The following ST8SIA6 variants were observed in gnomAD, a reference collection of about 807,000 sequenced individuals.
ST8SIA6 encodes the protein alpha-2,8-sialyltransferase 8F.
In ST8SIA6, 39 loss-of-function variants were observed where a neutral mutation model predicts 33.6. The observed-to-expected ratio is 1.16, with a 90% CI of 0.90 to 1.52. The LOEUF (loss-of-function observed/expected upper bound fraction) is 1.52. ST8SIA6 is among the 40% of genes most tolerant of loss of function. The probability of loss-of-function intolerance (pLI) is 0.00; values close to 1 mark genes in which losing one functional copy is unlikely to be tolerated. For synonymous variants in ST8SIA6, 172 were observed against 167.2 expected (o/e 1.03, Z -0.22); for missense variants, 441 against 443.8 (o/e 0.99, Z 0.06).
intron 3 of ST8SIA6, among the ~76,000 whole-genome samples, chr10:17,366,116 G>C (rs1849551074): frequency 6.6e-6 from 1 of 152,192 alleles, no homozygotes; most frequent in African/African-American, 2.4e-5. Flanking sequence ...ACTAGGAGAA[G>C]TGTGTGGCTG....
chr10:17,410,412 A>G (rs1004252708), intron 2 of ST8SIA6: 4 of 152,262 alleles, frequency 2.6e-5, no homozygotes. Flanking sequence ...TTCAGTTAAC[A>G]GGAAGCACAC....
intron 2 of ST8SIA6, among the ~76,000 whole-genome samples, chr10:17,429,386 T>G (rs750827265): frequency 1.3e-5 from 2 of 151,564 alleles, no homozygotes; most frequent in Non-Finnish European, 2.9e-5. Context: ...AATTCAGCTT[T>G]TCTTTTACTT....
intron 2 of ST8SIA6, among the ~76,000 whole-genome samples, chr10:17,450,314 G>A (rs935304569): frequency 6.6e-5 from 10 of 152,148 alleles, no homozygotes; most frequent in Admixed American, 2.0e-4. Flanking sequence ...CAGAGTGCCT[G>A]GACACCGGAT....
At chr10:17,339,347 C>T (rs1043854647) in intron 4 of ST8SIA6, among the ~76,000 whole-genome samples, 3 of 152,132 alleles carry the variant, frequency 2.0e-5, no homozygotes, top group African/African-American at 7.2e-5. Flanking sequence ...AAACTCTGAG[C>T]CTCCCTAATG....
intron 3 of ST8SIA6, among the ~76,000 whole-genome samples, chr10:17,386,435 A>G (rs1458363322): frequency 6.6e-6 from 1 of 152,140 alleles, no homozygotes. Flanking sequence ...GCTACTGGGG[A>G]GACTGAGGCA....
intron 3 of ST8SIA6, among the ~76,000 whole-genome samples, chr10:17,372,412 C>T (rs560149416): frequency 6.2e-4 from 94 of 152,276 alleles, no homozygotes; most frequent in Non-Finnish European, 9.4e-4. Flanking sequence ...AGTGGTGCCT[C>T]GGAGTAGTGG....
chr10:17,418,863 G>C (rs1851683113), intron 2 of ST8SIA6, among the ~76,000 whole-genome samples: 1 of 151,912 alleles, frequency 6.6e-6, no homozygotes, highest in African/African-American at 2.4e-5. Context: ...CGTGGTGGCA[G>C]GTGCTTGTAA....
chr10:17,360,351 GAT>G (rs1162690817), intron 3 of ST8SIA6, among the ~76,000 whole-genome samples: 1 of 152,030 alleles, frequency 6.6e-6, no homozygotes, highest in Non-Finnish European at 1.5e-5. Flanking sequence ...ACAACAATGA[GAT>G]AGAATATATG....
At chr10:17,394,091 G>C (rs1850717264) in intron 2 of ST8SIA6, among the ~76,000 whole-genome samples, 1 of 152,182 alleles carries the variant, frequency 6.6e-6, no homozygotes, top group Non-Finnish European at 1.5e-5. Flanking sequence ...ACTGTGACCA[G>C]TAGGCACCAA....
intron 3 of ST8SIA6, among the ~76,000 whole-genome samples, chr10:17,362,694 C>T (rs1275231263): frequency 6.6e-6 from 1 of 152,086 alleles, no homozygotes; most frequent in Non-Finnish European, 1.5e-5. Context: ...GATTTGTTTT[C>T]ATTAACCTAG....
chr10:17,385,300 G>C (rs1033765475), intron 3 of ST8SIA6, among the ~76,000 whole-genome samples: 23 of 152,096 alleles, frequency 1.5e-4, no homozygotes, highest in African/African-American at 5.3e-4. Context: ...CCCACACTTC[G>C]AGTCTTCCTG....
At chr10:17,351,169 C>G (rs1849018120) in intron 4 of ST8SIA6, among the ~76,000 whole-genome samples, 1 of 151,928 alleles carries the variant, frequency 6.6e-6, no homozygotes, top group Non-Finnish European at 1.5e-5. Context: ...CACTTCACAC[C>G]TGGCCTAGTG....
chr10:17,399,454 A>G (rs946664743), intron 2 of ST8SIA6, among the ~76,000 whole-genome samples: 4 of 152,202 alleles, frequency 2.6e-5, no homozygotes, highest in Admixed American at 2.0e-4. Flanking sequence ...ATACACAAAC[A>G]TTGCAGGCAG....
chr10:17,321,369 T>C (rs746758138), intron 7 of ST8SIA6, 23 bp from the exon 8 acceptor site: 4 of 1,546,048 alleles, frequency 2.6e-6, no homozygotes, highest in South Asian at 2.4e-5. Flanking sequence ...AAAAAAATTA[T>C]AGTAATCCCA....
chr10:17,363,586 G>A (rs772273900), intron 3 of ST8SIA6, among the ~76,000 whole-genome samples: 5 of 152,208 alleles, frequency 3.3e-5, no homozygotes, highest in Admixed American at 1.3e-4. Flanking sequence ...GGATCCTCTC[G>A]TCCTTTCCTC....
At chr10:17,423,474 T>C (rs1052403792) in intron 2 of ST8SIA6, among the ~76,000 whole-genome samples, 8 of 152,246 alleles carry the variant, frequency 5.3e-5, no homozygotes, top group African/African-American at 1.7e-4. Context: ...TTTGCATGCC[T>C]AGCACAGTGT....
chr10:17,359,471 C>A (rs1849310910), intron 4 of ST8SIA6, 43 bp downstream of exon 4: 2 of 1,443,742 alleles, frequency 1.4e-6, no homozygotes, highest in African/African-American at 2.9e-5. Context: ...AGCAAATGAA[C>A]AAGACATTTT....
At chr10:17,388,852 T>C (rs1850477381) in intron 3 of ST8SIA6, among the ~76,000 whole-genome samples, 1 of 152,196 alleles carries the variant, frequency 6.6e-6, no homozygotes, top group Non-Finnish European at 1.5e-5. Flanking sequence ...GGGACCAGTC[T>C]GCCTTTGCAG....
intron 2 of ST8SIA6, among the ~76,000 whole-genome samples, chr10:17,412,074 CT>C (rs374020996): frequency 1.3e-5 from 2 of 152,192 alleles, no homozygotes; most frequent in African/African-American, 4.8e-5. Flanking sequence ...ATGCTTGCCC[CT>C]GTCTCAACTT....
Sources: allele counts gnomAD v4.1 joint callset (sites outside exome capture counted in the v4.1 genomes callset), GRCh38; gene constraint gnomAD v4.1.1; transcripts MANE v1.5; gene names NCBI Gene and HGNC (gene_info 2026-07-23, HGNC 2026-07-21).